Variants in FBXL17 observed in about 807,000 individuals in gnomAD.
The protein encoded by FBXL17 is F-box/LRR-repeat protein 17.
A neutral mutation model predicts 66.2 loss-of-function variants in FBXL17; 22 were observed. The observed-to-expected ratio is 0.33, with a 90% confidence interval of 0.24 to 0.47. FBXL17 has a LOEUF of 0.47. FBXL17 is among the 20% of genes least tolerant of loss of function. The pLI, the probability that FBXL17 is intolerant of heterozygous loss-of-function variation, is 1.00. For synonymous variants in FBXL17, 474 were observed against 400.5 expected (o/e 1.18, Z -2.19); for missense variants, 878 against 948.2 (o/e 0.93, Z 0.97).
At chr5:108,010,027 A>G (rs1409115714) in intron 7 of FBXL17, among the ~76,000 whole-genome samples, 3 of 152,130 alleles carry the variant, frequency 2.0e-5, no homozygotes, top group Non-Finnish European at 4.4e-5. Flanking sequence ...TTACTTATAT[A>G]TTGAGAGAGA....
intron 6 of FBXL17, among the ~76,000 whole-genome samples, chr5:108,082,129 G>T (rs552448753): frequency 3.5e-4 from 54 of 152,136 alleles, no homozygotes; most frequent in African/African-American, 1.3e-3. Flanking sequence ...AAGTTACTCA[G>T]TGTCTCTGAG....
intron 8 of FBXL17, among the ~76,000 whole-genome samples, chr5:107,872,377 T>C (rs1315825370): frequency 6.6e-6 from 1 of 152,232 alleles, no homozygotes; most frequent in African/African-American, 2.4e-5. Context: ...TTTTCCTCTG[T>C]CTAGGTACTT....
intron 8 of FBXL17, chr5:107,878,576 C>T (rs2112497334): frequency 5.1e-6 from 5 of 979,462 alleles, no homozygotes; most frequent in Non-Finnish European, 6.1e-6. Flanking sequence ...CTCCGCAGAC[C>T]ATACCGTTGC....
chr5:107,870,174 G>A (rs1360987078), intron 8 of FBXL17, among the ~76,000 whole-genome samples: 1 of 152,134 alleles, frequency 6.6e-6, no homozygotes, highest in African/African-American at 2.4e-5. Context: ...TAAAGCCACC[G>A]ACTGAAAAGC....
At chr5:107,934,085 A>G (rs1395376572) in intron 7 of FBXL17, among the ~76,000 whole-genome samples, 1 of 151,996 alleles carries the variant, frequency 6.6e-6, no homozygotes, top group African/African-American at 2.4e-5. Flanking sequence ...GAAAAACTCT[A>G]TTTTTTTATA....
Position 107,968,441 on chromosome 5 carries a change from T to C in FBXL17, c.1822+52484A>G, listed in dbSNP as rs561461034. Among the ~76,000 whole-genome samples the C allele has an allele frequency of 2.0e-5, 3 of 152,248 alleles. No individual in the cohort carries two copies. The East Asian group carries it at 5.8e-4, about 29-fold the overall frequency. Reference sequence around the variant, plus strand: ...GTGAGGGCAGGGCAATTTCTTCTCATTTGTAAAAGGCAATTTAGTCTCTTC... The same window carrying C: ...GTGAGGGCAGGGCAATTTCTTCTCACTTGTAAAAGGCAATTTAGTCTCTTC... On this transcript the variant is annotated intron_variant, in intron 7 of 8. Transcript: ENST00000542267.
chr5:108,033,981 T>C (rs905637821), intron 6 of FBXL17, among the ~76,000 whole-genome samples: 4 of 152,204 alleles, frequency 2.6e-5, no homozygotes, highest in African/African-American at 7.2e-5. Context: ...CATAAAAATA[T>C]ATATGTGTCA....
chr5:108,000,581 A>C (rs1377249646), intron 7 of FBXL17, among the ~76,000 whole-genome samples: 5 of 152,206 alleles, frequency 3.3e-5, no homozygotes, highest in African/African-American at 1.2e-4. Context: ...TGGAAAAATA[A>C]ATTTCATAAC....
chr5:108,370,843 CAACTAA>C (rs1748987204), intron 1 of FBXL17, among the ~76,000 whole-genome samples: 1 of 151,964 alleles, frequency 6.6e-6, no homozygotes, highest in African/African-American at 2.4e-5. Flanking sequence ...GCAGGCATTA[CAACTAA>C]AATATCTGGA....
chr5:108,279,595 T>A (rs1332726537), intron 4 of FBXL17, among the ~76,000 whole-genome samples: 5 of 147,230 alleles, frequency 3.4e-5, no homozygotes, highest in Non-Finnish European at 7.5e-5. Flanking sequence ...AGAAGCACAA[T>A]AATTCTCTAC....
At chr5:108,315,191 A>G (rs533966594) in intron 4 of FBXL17, among the ~76,000 whole-genome samples, 1 of 151,334 alleles carries the variant, frequency 6.6e-6, no homozygotes, top group East Asian at 1.9e-4. Context: ...AATTTAAAAA[A>G]TCAAAAAAGG....
chr5:108,326,638 C>T (rs1338197619), intron 4 of FBXL17, among the ~76,000 whole-genome samples: 1 of 151,786 alleles, frequency 6.6e-6, no homozygotes, highest in African/African-American at 2.4e-5. Flanking sequence ...TTTGAAAAGA[C>T]ACTTTACAAA....
Position 107,906,784 on chromosome 5 carries a change from A to G in FBXL17, c.1823-25605T>C, listed in dbSNP as rs140436522. On this transcript the variant is annotated intron_variant, in intron 7 of 8. Transcript: ENST00000542267. ...AAGTAACCAAAGAGATTTAAAAGCA[A>G]CTAAGGAGTGGAATACCGTTTCATT... Among the ~76,000 whole-genome samples, 333 of 152,378 alleles carry G rather than the reference A, an allele frequency of 2.2e-3. 1 individual carries two copies. The highest frequency in any genetic ancestry group is 7.4e-3 in the African/African-American group (306 of 41,592).
At chr5:108,102,853 A>G (rs1471725370) in intron 6 of FBXL17, among the ~76,000 whole-genome samples, 2 of 152,222 alleles carry the variant, frequency 1.3e-5, no homozygotes, top group Non-Finnish European at 2.9e-5. Flanking sequence ...ATCTTATAAG[A>G]TAGAGAAATC....
At position 108,381,775 on chromosome 5, in the gene FBXL17, GCTGGCTCGGCCCCCGGAGGGGTCGCC is replaced by G. The variant is rs1749974264; in HGVS notation, c.-110_-85del. The stretch of plus-strand genomic sequence containing the variant: ...CTCCCGGCAGCGGGGCAGGCCGCTC[GCTGGCTCGGCCCCCGGAGGGGTCGCC>G]CTTCCTGCGCACACACACGCACACA... On this transcript the variant is annotated 5_prime_UTR_variant, in exon 1 of 9. Coordinates refer to ENST00000542267, the MANE Select transcript of FBXL17 (RefSeq NM_001163315.3). The G allele has an allele frequency of 7.3e-7, 1 of 1,363,938 alleles. No homozygotes were observed. Among genetic ancestry groups the G allele is most frequent in the East Asian group, 3.1e-5 (1 of 32,250 alleles). 84.5% of individuals were successfully genotyped at this position (1,363,938 alleles called of 1,614,324 possible).
In FBXL17 at chr5:107,859,088, T is replaced by G. The variant is rs1364921852; in HGVS notation, c.*2632A>C. On this transcript the variant is annotated 3_prime_UTR_variant, in exon 9 of 9. Transcript: ENST00000542267. The stretch of plus-strand genomic sequence containing the variant: ...GCAAGGTCAAAGATTCACGGAAATA[T>G]AGAAACTACAAACCGGGTGAATTTT... The G allele has an allele frequency of 6.6e-6, 1 of 152,198 alleles. No individual in the cohort carries two copies. The highest frequency in any genetic ancestry group is 2.4e-5 in the African/African-American group (1 of 41,446). 9.4% of individuals were successfully genotyped at this position (152,198 alleles called of 1,614,324 possible).
intron 4 of FBXL17, among the ~76,000 whole-genome samples, chr5:108,338,601 T>C (rs1008174272): frequency 6.6e-6 from 1 of 152,036 alleles, no homozygotes; most frequent in African/African-American, 2.4e-5. Flanking sequence ...AAAAATACTA[T>C]ACTGATATAG....
At chr5:108,131,998 C>T (rs535561028) in intron 6 of FBXL17, among the ~76,000 whole-genome samples, 34 of 141,198 alleles carry the variant, frequency 2.4e-4, no homozygotes, top group Non-Finnish European at 4.6e-4. Context: ...TTTTTTTAGG[C>T]GGAGTTTCAC....
chr5:108,237,021 TAA>T (rs574597350), intron 4 of FBXL17, among the ~76,000 whole-genome samples: 33 of 152,148 alleles, frequency 2.2e-4, no homozygotes, highest in Non-Finnish European at 3.7e-4. Context: ...TAGTAGGTGG[TAA>T]AAAAAGACAG....
Sources: gnomAD v4.1 joint callset for allele counts (sites outside exome capture counted in the v4.1 genomes callset) on GRCh38, gnomAD v4.1.1 for gene constraint, MANE v1.5 for transcripts, NCBI Gene and HGNC (gene_info 2026-07-23, HGNC 2026-07-21) for gene names.